The following CHP1 variants were observed in gnomAD, a reference collection of about 807,000 sequenced individuals.
CHP1 encodes the protein calcineurin like EF-hand protein 1.
CHP1 carries 11 observed loss-of-function variants against 27.4 expected under a neutral mutation model. The ratio of observed to expected loss-of-function variants is 0.40; its 90% confidence interval spans 0.25 to 0.67. The LOEUF is 0.67. Among genes scored for constraint, CHP1 ranks in the 30% least tolerant of loss-of-function variants. The pLI is 0.38. For synonymous variants in CHP1, 89 were observed against 87.4 expected (o/e 1.02, Z -0.10); for missense variants, 169 against 251.3 (o/e 0.67, Z 2.22).
intron 4 of CHP1, among the ~76,000 whole-genome samples, chr15:41,265,625 A>G (rs1469897004): frequency 1.3e-5 from 2 of 150,750 alleles, no homozygotes; most frequent in Non-Finnish European, 3.0e-5. Context: ...ACAGGAGAAT[A>G]CTTTGAACCT....
intron 1 of CHP1, among the ~76,000 whole-genome samples, chr15:41,233,600 A>C (rs2047263265): frequency 6.6e-6 from 1 of 152,256 alleles, no homozygotes; most frequent in African/African-American, 2.4e-5. Context: ...TCTGTTCAGT[A>C]CTGTGCTAGG....
At chr15:41,253,793 T>C (rs1349356814) in intron 2 of CHP1, among the ~76,000 whole-genome samples, 1 of 151,782 alleles carries the variant, frequency 6.6e-6, no homozygotes, top group Non-Finnish European at 1.5e-5. Context: ...TGTTTTGTTT[T>C]TTCTGTTTTG....
intron 2 of CHP1, among the ~76,000 whole-genome samples, chr15:41,250,293 T>C (rs2047358849): frequency 6.6e-6 from 1 of 152,160 alleles, no homozygotes; most frequent in African/African-American, 2.4e-5. Flanking sequence ...TCTCTTCAGA[T>C]TGATATTTCA....
rs151189368 is a variant in CHP1, at chr15:41,271,720, A to C, written c.411+1102A>C. ...GTGACTGGCATTTCATCCTAGGATGAAATTACTCAGGGCAGATTCAGGAGC... is the reference window on the plus strand; with the variant it reads ...GTGACTGGCATTTCATCCTAGGATGCAATTACTCAGGGCAGATTCAGGAGC... On this transcript the variant is annotated intron_variant, in intron 5 of 6. Coordinates refer to ENST00000334660, the MANE Select transcript of CHP1 (RefSeq NM_007236.5). Among the ~76,000 whole-genome samples, 10 of 152,300 alleles carry C rather than the reference A, an allele frequency of 6.6e-5. No homozygotes were observed. In the East Asian group the frequency reaches 1.9e-3, roughly 29 times the overall value.
chr15:41,279,280 T>C, intron 6 of CHP1, 56 bp from the exon 7 acceptor site: 1 of 1,351,766 alleles, frequency 7.4e-7, no homozygotes, highest in Non-Finnish European at 1.1e-6. Flanking sequence ...AGATAAGAGC[T>C]TGGGAGTGTT....
intron 3 of CHP1, among the ~76,000 whole-genome samples, chr15:41,259,736 A>C (rs2047422616): frequency 6.6e-6 from 1 of 152,152 alleles, no homozygotes; most frequent in Admixed American, 6.6e-5. Flanking sequence ...CGAAGAACTA[A>C]AAGGTCATTC....
At chr15:41,243,433 G>A (rs1416101750) in intron 1 of CHP1, among the ~76,000 whole-genome samples, 1 of 152,220 alleles carries the variant, frequency 6.6e-6, no homozygotes, top group Admixed American at 6.5e-5. Flanking sequence ...ATTCATCACA[G>A]TCTTAATTAA....
At chr15:41,231,591 G>A in intron 1 of CHP1, 142 bp downstream of exon 1, 1 of 734,432 alleles carries the variant, frequency 1.4e-6, no homozygotes, top group Admixed American at 2.4e-5. Flanking sequence ...ACCGAGAGCT[G>A]GAAGACCTGT....
chr15:41,253,423 G>GTATTTACTTATT (rs1555420504), intron 2 of CHP1, among the ~76,000 whole-genome samples: 17 of 145,270 alleles, frequency 1.2e-4, no homozygotes, highest in African/African-American at 4.4e-4. Context: ...AGTTGACAAA[G>GTATTTACTTATT]TATTTATTTA....
intron 3 of CHP1, among the ~76,000 whole-genome samples, chr15:41,259,220 G>C (rs746723345): frequency 2.6e-5 from 4 of 152,150 alleles, no homozygotes; most frequent in Non-Finnish European, 5.9e-5. Context: ...GTAAACCCAG[G>C]AGAGTCACTT....
intron 3 of CHP1, among the ~76,000 whole-genome samples, chr15:41,261,007 C>G (rs2047429877): frequency 6.6e-6 from 1 of 151,978 alleles, no homozygotes; most frequent in Non-Finnish European, 1.5e-5. Context: ...ACCTCAGCCT[C>G]CCAAATAACT....
chr15:41,249,022 T>C (rs555750064), intron 2 of CHP1, among the ~76,000 whole-genome samples: 5 of 152,250 alleles, frequency 3.3e-5, no homozygotes, highest in African/African-American at 1.2e-4. Flanking sequence ...TTGGCCTAAC[T>C]GGGAACTCTT....
intron 2 of CHP1, among the ~76,000 whole-genome samples, chr15:41,249,734 A>AG (rs2047355612): frequency 6.6e-6 from 1 of 152,004 alleles, no homozygotes; most frequent in Non-Finnish European, 1.5e-5. Context: ...GGCCTCCCAA[A>AG]GTGCTAAGAT....
At chr15:41,258,079 C>T (rs1385265677) in intron 3 of CHP1, among the ~76,000 whole-genome samples, 1 of 152,074 alleles carries the variant, frequency 6.6e-6, no homozygotes, top group East Asian at 1.9e-4. Context: ...ACATACTCTA[C>T]GTGTGTGTGT....
chr15:41,237,660 C>A (rs1372835355), intron 1 of CHP1, among the ~76,000 whole-genome samples: 1 of 152,170 alleles, frequency 6.6e-6, no homozygotes, highest in African/African-American at 2.4e-5. Context: ...TACTTGTAAT[C>A]TTTACATAGG....
intron 2 of CHP1, among the ~76,000 whole-genome samples, chr15:41,251,442 A>G (rs1206147360): frequency 6.6e-6 from 1 of 152,136 alleles, no homozygotes; most frequent in Non-Finnish European, 1.5e-5. Flanking sequence ...CTGACCTGCA[A>G]AAGACCACTT....
chr15:41,244,064 G>C (rs563093774), intron 2 of CHP1, among the ~76,000 whole-genome samples: 74 of 152,140 alleles, frequency 4.9e-4, no homozygotes, highest in African/African-American at 1.7e-3. Context: ...TCAGTGTGGT[G>C]GTAGGCGCCT....
In CHP1 at chr15:41,264,175, G is replaced by C. The variant is rs546922374; in HGVS notation, c.349+1292G>C. ...GTTCACATCTGGCAGTAGAGGAAGA[G>C]AGATATATATAGAGAGAGATCGAGA... On this transcript the variant is annotated intron_variant, in intron 4 of 6. Transcript: ENST00000334660. 3.3e-4 allele frequency: 419 copies of C among 1,286,426 alleles called. 2 individuals carry two copies. In the Middle Eastern group the frequency reaches 5.1e-3, roughly 16 times the overall value. The allele number at this position is 1,286,426 out of a possible 1,614,324, so 79.7% of individuals were successfully genotyped here. A position where few individuals can be genotyped will look rare whatever the true frequency, so the allele number is the denominator to read the frequency against.
chr15:41,248,128 C>G (rs1223733356), intron 2 of CHP1, among the ~76,000 whole-genome samples: 1 of 151,916 alleles, frequency 6.6e-6, no homozygotes, highest in South Asian at 2.1e-4. Flanking sequence ...GTGCCAGACA[C>G]TGTTCTCCAT....
Sources: gnomAD v4.1 joint callset for allele counts (sites outside exome capture counted in the v4.1 genomes callset) on GRCh38, gnomAD v4.1.1 for gene constraint, MANE v1.5 for transcripts, NCBI Gene and HGNC (gene_info 2026-07-23, HGNC 2026-07-21) for gene names.